TUFT1: variants seen among roughly 807,000 people sequenced by gnomAD.
TUFT1 encodes the protein tuftelin 1, also known as tuftelin.
TUFT1 carries 43 observed loss-of-function variants against 57.8 expected under a neutral mutation model. The ratio of observed to expected loss-of-function variants is 0.74; its 90% CI spans 0.58 to 0.96. The LOEUF is 0.96. Ranked by LOEUF, TUFT1 falls within the 40% of genes least tolerant of loss-of-function variation. TUFT1 has a pLI of 0.00. For missense variants in TUFT1, 459 were observed against 489.0 expected (o/e 0.94, Z 0.58); for synonymous variants, 166 against 176.7 (o/e 0.94, Z 0.48).
At chr1:151,571,234 C>T (rs542199187) in intron 7 of TUFT1, among the ~76,000 whole-genome samples, 58 of 152,274 alleles carry the variant, frequency 3.8e-4, no homozygotes, top group African/African-American at 1.3e-3. Context: ...GGAGGAAGGG[C>T]ACCAAGGATG....
chr1:151,565,329 C>T (rs1666032531), intron 5 of TUFT1, among the ~76,000 whole-genome samples: 1 of 152,382 alleles, frequency 6.6e-6, no homozygotes, highest in South Asian at 2.1e-4. Context: ...TGTGACTTCG[C>T]CCTCATCCTT....
At chr1:151,578,017 C>T (rs1363199970) in intron 9 of TUFT1, among the ~76,000 whole-genome samples, 1 of 151,190 alleles carries the variant, frequency 6.6e-6, no homozygotes, top group Non-Finnish European at 1.5e-5. Context: ...CAGAGTGAGA[C>T]CCTGTCTCCG....
Position 151,583,226 on chromosome 1 carries a change from G to C in TUFT1, c.*1519G>C, listed in dbSNP as rs1438995962. Reference sequence around the variant, plus strand: ...TAGGATTATAGGCTTGAGCTACTGCGCCCGGCCCATGGTGTTTTTCTTTAG... The same window carrying C: ...TAGGATTATAGGCTTGAGCTACTGCCCCCGGCCCATGGTGTTTTTCTTTAG... On this transcript the variant is annotated 3_prime_UTR_variant, in exon 13 of 13. Transcript: ENST00000368849. 1.3e-5 allele frequency: 2 copies of C among 152,174 alleles called. No homozygotes were observed. The highest frequency in any genetic ancestry group is 6.5e-5 in the Admixed American group (1 of 15,280). The allele number at this position is 152,174 out of a possible 1,614,324, so 9.4% of individuals were successfully genotyped here. A position where few individuals can be genotyped will look rare whatever the true frequency, so the allele number is the denominator to read the frequency against.
At chr1:151,552,601 G>A (rs1175020778) in intron 1 of TUFT1, among the ~76,000 whole-genome samples, 1 of 150,842 alleles carries the variant, frequency 6.6e-6, no homozygotes, top group Non-Finnish European at 1.5e-5. Context: ...CTACTTGGGA[G>A]GCTGAGGCAG....
At chr1:151,570,097 C>G (rs999941901) in intron 7 of TUFT1, among the ~76,000 whole-genome samples, 1 of 152,148 alleles carries the variant, frequency 6.6e-6, no homozygotes, top group African/African-American at 2.4e-5. Flanking sequence ...CTTGAGACTC[C>G]GTGCAGGCAA....
At chr1:151,553,280 T>TG (rs1665568032) in intron 1 of TUFT1, among the ~76,000 whole-genome samples, 1 of 152,084 alleles carries the variant, frequency 6.6e-6, no homozygotes, top group African/African-American at 2.4e-5. Context: ...GTAGTAGAGA[T>TG]GGGGTTTCGC....
rs372736144 is a variant in TUFT1 at position 151,577,572 on chromosome 1, T to C, written c.819-1149T>C. Among the ~76,000 whole-genome samples the C allele has an allele frequency of 6.6e-5, 10 of 152,304 alleles. No individual in the cohort carries two copies. The South Asian group carries it at 1.2e-3, about 19-fold the overall frequency. On this transcript the variant is annotated intron_variant, in intron 9 of 12. Coordinates refer to ENST00000368849, the MANE Select transcript of TUFT1 (RefSeq NM_020127.3). ...TTATTTTACACTGCCCTTTGGGGGA[T>C]CTTGGCTCAGTTTGCTTAGAAGATG...
At chr1:151,578,630 A>G in intron 9 of TUFT1, 91 bp from the exon 10 acceptor site, 3 of 1,135,070 alleles carry the variant, frequency 2.6e-6, no homozygotes, top group Non-Finnish European at 3.8e-6. Flanking sequence ...AATCATATTA[A>G]TGGGAACCTC....
At chr1:151,540,710 G>A in intron 1 of TUFT1, 1 of 479,766 alleles carries the variant, frequency 2.1e-6, no homozygotes. Context: ...TGCTTGGGCC[G>A]CGGGTCTCAG....
intron 10 of TUFT1, among the ~76,000 whole-genome samples, chr1:151,579,119 C>T (rs1666568562): frequency 6.6e-6 from 1 of 152,184 alleles, no homozygotes; most frequent in African/African-American, 2.4e-5. Context: ...TCATAATAAA[C>T]TCTGTTATCT....
intron 7 of TUFT1, among the ~76,000 whole-genome samples, chr1:151,572,151 T>C (rs1312283613): frequency 6.6e-6 from 1 of 152,196 alleles, no homozygotes; most frequent in African/African-American, 2.4e-5. Flanking sequence ...CAGTGAGCTA[T>C]GATTGTGCCA....
chr1:151,561,762 C>T (rs1447708358), intron 1 of TUFT1: 7 of 1,335,040 alleles, frequency 5.2e-6, no homozygotes, highest in Non-Finnish European at 6.9e-6. Flanking sequence ...GGAATGACCT[C>T]TCTACAACTA....
intron 1 of TUFT1, among the ~76,000 whole-genome samples, chr1:151,551,613 A>C (rs540379016): frequency 6.6e-6 from 1 of 152,284 alleles, no homozygotes; most frequent in Admixed American, 6.5e-5. Context: ...GGAGAAAGCA[A>C]CATGCGCACC....
intron 1 of TUFT1, among the ~76,000 whole-genome samples, chr1:151,547,257 GGA>G (rs1466083414): frequency 2.6e-5 from 4 of 152,200 alleles, no homozygotes; most frequent in Admixed American, 1.3e-4. Flanking sequence ...CTCTGAGCGA[GGA>G]GAGTTACCTC....
At position 151,569,919 on chromosome 1, in the gene TUFT1, C is replaced by T. The variant is rs955976094; in HGVS notation, c.594+149C>T. ...CTGTGAAGCCTGGAACGCTTGTCTG[C>T]TTTTCCCTCTCCTGGACGTTTACAC... On this transcript the variant is annotated intron_variant, in intron 7 of 12. Coordinates refer to ENST00000368849, the MANE Select transcript of TUFT1 (RefSeq NM_020127.3). 15 of 656,348 alleles carry T rather than the reference C, an allele frequency of 2.3e-5. No individual in the cohort carries two copies. In the African/African-American group the frequency reaches 2.5e-4, roughly 11 times the overall value. The allele number at this position is 656,348 out of a possible 1,614,324, so 40.7% of individuals were successfully genotyped here.
Position 151,581,852 on chromosome 1 carries a change from C to A in TUFT1, c.*145C>A. ...TCGGGCTCCTGTGTCTCACCATTCC[C>A]AAGCCCCTGGCCACTCTAAGCTGGG... On this transcript the variant is annotated 3_prime_UTR_variant, in exon 13 of 13. Transcript: ENST00000368849. 1.2e-6 allele frequency: 1 copy of A among 811,766 alleles called. No homozygotes were observed. Among genetic ancestry groups the A allele is most frequent in the Non-Finnish European group, 2.0e-6 (1 of 488,700 alleles). The allele number at this position is 811,766 out of a possible 1,614,324, so 50.3% of individuals were successfully genotyped here.
At chr1:151,557,393 G>A in intron 1 of TUFT1, 1 of 777,220 alleles carries the variant, frequency 1.3e-6, no homozygotes, top group Admixed American at 2.4e-5. Context: ...ATGTAACTTA[G>A]AAAACCTAAG....
intron 3 of TUFT1, among the ~76,000 whole-genome samples, chr1:151,563,221 G>T (rs947107229): frequency 2.0e-5 from 3 of 151,862 alleles, no homozygotes; most frequent in Non-Finnish European, 4.4e-5. Flanking sequence ...AATGATTTTT[G>T]TTATTTCTCT....
intron 5 of TUFT1, 23 bp from the exon 6 acceptor site, chr1:151,566,140 C>T: frequency 6.4e-7 from 1 of 1,558,918 alleles, no homozygotes; most frequent in South Asian, 1.1e-5. Flanking sequence ...TTTTAACTAC[C>T]AATTTTATTT....
Sources: allele counts gnomAD v4.1 joint callset (sites outside exome capture counted in the v4.1 genomes callset), GRCh38; gene constraint gnomAD v4.1.1; transcripts MANE v1.5; gene names NCBI Gene and HGNC (gene_info 2026-07-23, HGNC 2026-07-21).